The following SNCAIP variants were observed in gnomAD, a reference collection of about 807,000 sequenced individuals.
SNCAIP encodes synuclein alpha interacting protein.
SNCAIP carries 43 observed loss-of-function variants against 86.7 expected under a neutral mutation model. The ratio of observed to expected loss-of-function variants is 0.50; its 90% CI spans 0.39 to 0.64. SNCAIP has a LOEUF of 0.64. Among genes scored for constraint, SNCAIP ranks in the 30% least tolerant of loss-of-function variants. SNCAIP has a pLI of 0.00. For missense variants in SNCAIP, 981 were observed against 1,103.1 expected, an observed-to-expected ratio of 0.89 and a Z score of 1.57; for synonymous variants, 417 against 427.2, an observed-to-expected ratio of 0.98 and a Z score of 0.29.
Position 122,425,465 on chromosome 5 carries a change from G to A in SNCAIP, c.1116G>A (p.Leu372=). ...AGTGTCTACAGCACCTCACTTCTTT[G>A]ATGGGAGAAGACTGCCTCAATGAGC... ...HAECLQHLTS[L]MGEDCLNERN... is the part of the protein sequence containing the mutation. The change falls in exon 5 of 11, where the codon TTG becomes TTA. Residue 372 remains leucine (L), a synonymous_variant. Coordinates refer to ENST00000261368, the MANE Select transcript of SNCAIP (RefSeq NM_005460.4). 1 of 1,614,106 alleles carries A rather than the reference G, an allele frequency of 6.2e-7. No individual in the cohort carries two copies. The highest frequency in any genetic ancestry group is 8.5e-7 in the Non-Finnish European group (1 of 1,179,978).
At chr5:122,394,768 T>G (rs1003749244) in intron 2 of SNCAIP, among the ~76,000 whole-genome samples, 4 of 152,186 alleles carry the variant, frequency 2.6e-5, no homozygotes, top group Non-Finnish European at 5.9e-5. Context: ...GAACTCTGGA[T>G]CTCCTGAGGA....
intron 1 of SNCAIP, among the ~76,000 whole-genome samples, chr5:122,314,345 C>T (rs962005752): frequency 6.6e-6 from 1 of 152,180 alleles, no homozygotes; most frequent in African/African-American, 2.4e-5. Flanking sequence ...GGAAATCTCC[C>T]AAGGAGCAGG....
chr5:122,373,963 GA>G (rs1209057850), intron 1 of SNCAIP, among the ~76,000 whole-genome samples: 11 of 152,170 alleles, frequency 7.2e-5, no homozygotes, highest in African/African-American at 2.7e-4. Context: ...CAGAAAACCA[GA>G]ATTCTCGAAT....
chr5:122,399,563 A>G (rs1339821561), intron 2 of SNCAIP, among the ~76,000 whole-genome samples: 1 of 152,206 alleles, frequency 6.6e-6, no homozygotes, highest in Non-Finnish European at 1.5e-5. Context: ...AATATTAACT[A>G]CTGACATTAT....
At chr5:122,395,845 C>A (rs370131748) in intron 2 of SNCAIP, among the ~76,000 whole-genome samples, 1 of 152,122 alleles carries the variant, frequency 6.6e-6, no homozygotes, top group Admixed American at 6.6e-5. Flanking sequence ...TACAAAGAAC[C>A]TAGCCTCCCC....
chr5:122,344,258 T>A (rs1384477142), intron 1 of SNCAIP, among the ~76,000 whole-genome samples: 1 of 152,202 alleles, frequency 6.6e-6, no homozygotes, highest in Non-Finnish European at 1.5e-5. Flanking sequence ...GTTGACTAAA[T>A]GAGTCAATTA....
chr5:122,395,593 A>G (rs777107142), intron 2 of SNCAIP, among the ~76,000 whole-genome samples: 1 of 152,166 alleles, frequency 6.6e-6, no homozygotes, highest in Non-Finnish European at 1.5e-5. Context: ...TTATGGTAAA[A>G]TAATCTCACT....
At chr5:122,437,285 G>A (rs1779711018) in intron 6 of SNCAIP, 1 of 152,126 alleles carries the variant, frequency 6.6e-6, no homozygotes, top group Admixed American at 6.6e-5. Context: ...ATTTTGAATG[G>A]TAGAACTGTG....
intron 1 of SNCAIP, among the ~76,000 whole-genome samples, chr5:122,373,747 G>C (rs577638990): frequency 6.6e-6 from 1 of 152,272 alleles, no homozygotes; most frequent in African/African-American, 2.4e-5. Flanking sequence ...TGGCTGCAAA[G>C]TTCTGTGCTT....
intron 1 of SNCAIP, among the ~76,000 whole-genome samples, chr5:122,345,242 A>G (rs1466852898): frequency 6.6e-6 from 1 of 152,202 alleles, no homozygotes; most frequent in Non-Finnish European, 1.5e-5. Flanking sequence ...GTTTATTGGA[A>G]TGCCCTCATG....
At chr5:122,346,750 T>C (rs1346727286) in intron 1 of SNCAIP, among the ~76,000 whole-genome samples, 1 of 151,698 alleles carries the variant, frequency 6.6e-6, no homozygotes, top group Non-Finnish European at 1.5e-5. Flanking sequence ...TTTCTGATGA[T>C]TTATTGGAAT....
chr5:122,349,635 T>C (rs758904639), intron 1 of SNCAIP, among the ~76,000 whole-genome samples: 1 of 152,220 alleles, frequency 6.6e-6, no homozygotes, highest in Non-Finnish European at 1.5e-5. Context: ...TTTTCTGCTA[T>C]TTCCTGTCTT....
chr5:122,383,287 G>GT (rs1767350404), intron 1 of SNCAIP, among the ~76,000 whole-genome samples: 1 of 152,194 alleles, frequency 6.6e-6, no homozygotes, highest in Non-Finnish European at 1.5e-5. Flanking sequence ...ATATTCGGGT[G>GT]GGAGTGACCC....
At chr5:122,428,045 A>G (rs1777695282) in intron 5 of SNCAIP, among the ~76,000 whole-genome samples, 2 of 152,212 alleles carry the variant, frequency 1.3e-5, no homozygotes, top group Admixed American at 1.3e-4. Flanking sequence ...TTGGAAAGAA[A>G]TATTTCTAAA....
At chr5:122,386,611 C>T (rs1768181111) in intron 1 of SNCAIP, among the ~76,000 whole-genome samples, 1 of 152,140 alleles carries the variant, frequency 6.6e-6, no homozygotes, top group South Asian at 2.1e-4. Context: ...GCTGTGGGCA[C>T]ATCCAAAGAA....
chr5:122,387,171 T>A lies in SNCAIP; in HGVS notation c.-46-3918T>A, dbSNP rs929668542. Among the ~76,000 whole-genome samples, 3 of 152,108 alleles carry A rather than the reference T, an allele frequency of 2.0e-5. No individual in the cohort carries two copies. In the South Asian group the frequency reaches 6.2e-4, roughly 32 times the overall value. The stretch of plus-strand genomic sequence containing the variant: ...GGATTTTTGTTTGTTTGTTTGTTTG[T>A]TTTTTGCGACGGAGTCTCGTTCTGT... On this transcript the variant is annotated intron_variant, in intron 1 of 10. Coordinates refer to ENST00000261368, the MANE Select transcript of SNCAIP (RefSeq NM_005460.4).
chr5:122,402,719 A>G (rs1015788677), intron 2 of SNCAIP, among the ~76,000 whole-genome samples: 5 of 152,206 alleles, frequency 3.3e-5, no homozygotes, highest in African/African-American at 7.2e-5. Flanking sequence ...CTAATTACAC[A>G]TTCTTCACTT....
At chr5:122,445,012 G>A (rs1781972576) in intron 8 of SNCAIP, 13 of 455,980 alleles carry the variant, frequency 2.9e-5, no homozygotes, top group South Asian at 2.7e-4. Flanking sequence ...CTCTCTCTGT[G>A]TTCACAACTC....
At chr5:122,321,965 AAAAAC>A (rs1230557447) in intron 1 of SNCAIP, 1 of 152,226 alleles carries the variant, frequency 6.6e-6, no homozygotes, top group Non-Finnish European at 1.5e-5. Context: ...CATGGAAAAA[AAAAAC>A]AAAAAAACAG....
Sources: gnomAD v4.1 joint callset for allele counts (sites outside exome capture counted in the v4.1 genomes callset) on GRCh38, gnomAD v4.1.1 for gene constraint, MANE v1.5 for transcripts, NCBI Gene and HGNC (gene_info 2026-07-23, HGNC 2026-07-21) for gene names.